KCNMB1: variants seen among roughly 807,000 people sequenced by gnomAD.
The protein encoded by KCNMB1 is potassium calcium-activated channel subfamily M regulatory beta subunit 1.
A neutral mutation model predicts 21.7 loss-of-function variants in KCNMB1; 22 were observed. The observed-to-expected ratio is 1.01, with a 90% confidence interval of 0.72 to 1.45. The LOEUF is 1.45. KCNMB1 is among the 40% of genes most tolerant of loss of function. The pLI, the probability that KCNMB1 is intolerant of heterozygous loss-of-function variation, is 0.00. For missense variants in KCNMB1, 243 were observed against 243.4 expected (o/e 1.00, Z 0.01); for synonymous variants, 114 against 107.6 (o/e 1.06, Z -0.37).
rs149570323 is a variant in KCNMB1 at position 170,383,764 on chromosome 5, T to C, written c.221A>G (p.Tyr74Cys). Residue 74 changes from tyrosine (Y) to cysteine (C), a missense_variant, in exon 3 of 4, where the codon TAC (tyrosine) becomes TGC (cysteine). By Grantham distance (194) the Tyr-to-Cys change is radical. Coordinates refer to ENST00000274629, the MANE Select transcript of KCNMB1 (RefSeq NM_004137.4). ...TGACACGTTGACCCACAGGCATGGG[T>C]ACTGGGGCACCTTCTTGCCCTTCAG... ...EELKGKKVPQ[Y>C]PCLWVNVSAA... 1.1e-4 allele frequency: 179 copies of C among 1,614,076 alleles called. No homozygotes were observed. In the African/African-American group the frequency reaches 2.3e-3, roughly 21 times the overall value.
intron 2 of KCNMB1, 112 bp from the exon 3 acceptor site, chr5:170,383,962 A>C (rs703507): frequency 0.48 from 519,283 of 1,079,092 alleles, 126,150 homozygotes; most frequent in Admixed American, 0.52. Flanking sequence ...CAGGACTGGG[A>C]TCCTCATCTT....
At chr5:170,385,266 A>G (rs767584160) in intron 2 of KCNMB1, 48 bp downstream of exon 2, 4 of 1,608,104 alleles carry the variant, frequency 2.5e-6, no homozygotes, top group Non-Finnish European at 3.4e-6. Flanking sequence ...CAGATGCCAG[A>G]CCCTTAGGAG....
chr5:170,384,129 C>T (rs992110850), intron 2 of KCNMB1, among the ~76,000 whole-genome samples: 6 of 152,192 alleles, frequency 3.9e-5, no homozygotes, highest in Admixed American at 6.5e-5. Context: ...AAAAGATTCC[C>T]GTGTCCAAGC....
chr5:170,383,648 G>T (rs1432664400), intron 3 of KCNMB1, 31 bp downstream of exon 3: 1 of 1,612,526 alleles, frequency 6.2e-7, no homozygotes, highest in Non-Finnish European at 8.5e-7. Flanking sequence ...CAGGGATAAA[G>T]GGATGTGTCC....
chr5:170,385,081 CGTCCTAGATCATGTGTCTGTTACCACCAG>C (rs1561597427), intron 2 of KCNMB1, among the ~76,000 whole-genome samples: 3 of 152,166 alleles, frequency 2.0e-5, no homozygotes, highest in Non-Finnish European at 4.4e-5. Context: ...GTTACCACCA[CGTCCTAGATCATGTGTCTGTTACCACCAG>C]GTCCTAGAAT....
rs1415311581 is a variant in KCNMB1 at position 170,378,899 on chromosome 5, GAATTTGGCTC to G, written c.371_380del (p.Arg124ThrfsTer42). 6.2e-7 allele frequency: 1 copy of G among 1,614,246 alleles called. No homozygotes were observed. Among genetic ancestry groups the G allele is most frequent in the South Asian group, 1.1e-5 (1 of 91,082 alleles). ...AGCAGTAGAAGACCTGCTGCTCTTGGAATTTGGCTCTGACCTTCTCCACGTCGGCCCGGGC... is the reference window on the plus strand; with the variant it reads ...AGCAGTAGAAGACCTGCTGCTCTTGGTGACCTTCTCCACGTCGGCCCGGGC... On this transcript the variant is annotated frameshift_variant, in exon 4 of 4. Transcript: ENST00000274629. LOFTEE classifies it high-confidence loss of function.
chr5:170,383,027 GA>G (rs1292739593), intron 3 of KCNMB1: 2 of 151,502 alleles, frequency 1.3e-5, no homozygotes, highest in African/African-American at 4.9e-5. Context: ...AAGGAGGGAA[GA>G]AAGGGAAAAA....
intron 2 of KCNMB1, among the ~76,000 whole-genome samples, chr5:170,384,443 A>G (rs896827662): frequency 1.3e-5 from 2 of 152,210 alleles, no homozygotes; most frequent in Non-Finnish European, 1.5e-5. Flanking sequence ...GACAGTCTCT[A>G]GATGGTGCTT....
intron 1 of KCNMB1, 124 bp downstream of exon 1, chr5:170,389,135 G>C (rs1422032807): frequency 6.6e-6 from 1 of 152,194 alleles, no homozygotes; most frequent in East Asian, 1.9e-4. Flanking sequence ...GGACAGCCCC[G>C]AGAGGAAGGG....
chr5:170,382,114 G>C (rs703504), intron 3 of KCNMB1, among the ~76,000 whole-genome samples: 70,214 of 152,014 alleles, frequency 0.46, 17,122 homozygotes, highest in African/African-American at 0.62. Context: ...CATCTTGGTC[G>C]TGAGTGCTTG....
At chr5:170,388,967 G>A (rs1433850593) in intron 1 of KCNMB1, among the ~76,000 whole-genome samples, 8 of 152,142 alleles carry the variant, frequency 5.3e-5, no homozygotes, top group African/African-American at 1.9e-4. Flanking sequence ...CCTCTCTACC[G>A]GTGACAAGTG....
At chr5:170,383,445 A>C in intron 3 of KCNMB1, 1 of 611,998 alleles carries the variant, frequency 1.6e-6, no homozygotes, top group Non-Finnish European at 2.9e-6. Context: ...GAAACTGAGG[A>C]GGTGAGAGGC....
In KCNMB1 at chr5:170,375,353, G is replaced by A. The variant is rs550034192; in HGVS notation, c.*3351C>T. 1 of 152,238 alleles carries A rather than the reference G, an allele frequency of 6.6e-6. No individual in the cohort carries two copies. Among genetic ancestry groups the A allele is most frequent in the Non-Finnish European group, 1.5e-5 (1 of 68,052 alleles). 9.4% of individuals were successfully genotyped at this position (152,238 alleles called of 1,614,324 possible). On this transcript the variant is annotated 3_prime_UTR_variant, in exon 4 of 4. Coordinates refer to ENST00000274629, the MANE Select transcript of KCNMB1 (RefSeq NM_004137.4). Reference sequence around the variant, plus strand: ...ATGAGCTGCCTGCCTTTGGAAGGAAGGTCCACCAGGTAAGAAACTGGAGGC... The same window carrying A: ...ATGAGCTGCCTGCCTTTGGAAGGAAAGTCCACCAGGTAAGAAACTGGAGGC...
chr5:170,377,582 T>TG lies in KCNMB1; in HGVS notation c.*1121_*1122insC, dbSNP rs5873225. ...GTTGTTTTTCATTTTTTGTTTTTTGTTTTTTTTTTGAGACGGAGTCTTGTT... is the reference window on the plus strand; with the variant it reads ...GTTGTTTTTCATTTTTTGTTTTTTGTGTTTTTTTTTGAGACGGAGTCTTGTT... On this transcript the variant is annotated 3_prime_UTR_variant, in exon 4 of 4. Transcript: ENST00000274629. 1 of 70,422 alleles carries TG rather than the reference T, an allele frequency of 1.4e-5. No individual in the cohort carries two copies. The highest frequency in any genetic ancestry group is 3.0e-5 in the Non-Finnish European group (1 of 32,890). The allele number at this position is 70,422 out of a possible 1,614,324, so 4.4% of individuals were successfully genotyped here. A position where few individuals can be genotyped will look rare whatever the true frequency, so the allele number is the denominator to read the frequency against.
chr5:170,385,218 GT>G (rs1422770640), intron 2 of KCNMB1, 95 bp downstream of exon 2: 2 of 1,351,748 alleles, frequency 1.5e-6, no homozygotes, highest in African/African-American at 2.9e-5. Flanking sequence ...TTGAATGAGG[GT>G]CAAGGAGAGG....
chr5:170,380,714 G>A (rs1271778921), intron 3 of KCNMB1, among the ~76,000 whole-genome samples: 2 of 152,206 alleles, frequency 1.3e-5, no homozygotes, highest in African/African-American at 4.8e-5. Flanking sequence ...CTGAGCTGAC[G>A]GTGAGGGGGC....
chr5:170,386,223 A>G (rs1764466592), intron 1 of KCNMB1, among the ~76,000 whole-genome samples: 1 of 152,222 alleles, frequency 6.6e-6, no homozygotes, highest in South Asian at 2.1e-4. Context: ...AAGGGTCCTA[A>G]TAAGAGGGAA....
chr5:170,388,414 AG>A (rs1411767896), intron 1 of KCNMB1, among the ~76,000 whole-genome samples: 1 of 152,228 alleles, frequency 6.6e-6, no homozygotes, highest in Non-Finnish European at 1.5e-5. Flanking sequence ...AAAAGGAAGA[AG>A]TGGGTTTCAG....
In KCNMB1 at chr5:170,386,602, G is replaced by A. The variant is rs192393642; in HGVS notation, c.-24-1131C>T. 1.1e-4 allele frequency among the ~76,000 whole-genome samples: 16 copies of A among 152,140 alleles called. No individual in the cohort carries two copies. The East Asian group carries it at 2.5e-3, about 24-fold the overall frequency. On this transcript the variant is annotated intron_variant, in intron 1 of 3. Transcript: ENST00000274629. ...GTTCTGTGGCAGGGCTAGCTGGGCC[G>A]GGCACAGGCAGGGAAAGGAGAGGAG... is the stretch of plus-strand genomic sequence containing the variant.
Sources: gnomAD v4.1 joint callset for allele counts (sites outside exome capture counted in the v4.1 genomes callset) on GRCh38, gnomAD v4.1.1 for gene constraint, MANE v1.5 for transcripts, NCBI Gene and HGNC (gene_info 2026-07-23, HGNC 2026-07-21) for gene names.